Variants in ZNF423 observed in about 807,000 individuals in gnomAD.
ZNF423 encodes the protein zinc finger protein 423.
Under a neutral mutation model 95.8 loss-of-function variants are expected in ZNF423, and 12 were observed. That is an observed-to-expected ratio of 0.13 (90% CI 0.08 to 0.20). The LOEUF (loss-of-function observed/expected upper bound fraction) is 0.20. ZNF423 is among the 10% of genes least tolerant of loss of function. ZNF423 has a pLI of 1.00. For missense variants in ZNF423, 1,316 were observed against 1,737.1 expected, an observed-to-expected ratio of 0.76 and a Z score of 4.31; for synonymous variants, 749 against 711.9, an observed-to-expected ratio of 1.05 and a Z score of -0.83.
intron 2 of ZNF423, among the ~76,000 whole-genome samples, chr16:49,767,128 A>T (rs971113282): frequency 1.3e-5 from 2 of 151,508 alleles, no homozygotes; most frequent in African/African-American, 4.9e-5. Flanking sequence ...TAATTTTTTT[A>T]TTTTTTTTGT....
intron 5 of ZNF423, among the ~76,000 whole-genome samples, chr16:49,617,099 G>A (rs1455171454): frequency 6.6e-6 from 1 of 152,128 alleles, no homozygotes; most frequent in East Asian, 1.9e-4. Context: ...CTGCTGGGGG[G>A]CAGACACCCA....
chr16:49,829,570 G>A (rs771225082), intron 1 of ZNF423, among the ~76,000 whole-genome samples: 17 of 152,172 alleles, frequency 1.1e-4, no homozygotes, highest in Admixed American at 3.9e-4. Context: ...TGGCTTCAGC[G>A]GGCACCTACC....
chr16:49,546,619 G>A (rs1234212801), intron 5 of ZNF423, among the ~76,000 whole-genome samples: 3 of 152,184 alleles, frequency 2.0e-5, no homozygotes. Context: ...TCAGAAGGAG[G>A]CACTCATAGT....
intron 5 of ZNF423, among the ~76,000 whole-genome samples, chr16:49,572,314 G>A (rs971179788): frequency 2.0e-5 from 3 of 152,198 alleles, no homozygotes; most frequent in Non-Finnish European, 4.4e-5. Flanking sequence ...AGGAGGGAGA[G>A]GCATTGGAGC....
intron 3 of ZNF423, among the ~76,000 whole-genome samples, chr16:49,663,289 G>A (rs1405314483): frequency 4.6e-5 from 7 of 152,076 alleles, no homozygotes; most frequent in South Asian, 2.1e-4. Context: ...TTGCCATCTC[G>A]GTAGCCTGGT....
chr16:49,724,391 G>T (rs1391678922), intron 3 of ZNF423, among the ~76,000 whole-genome samples: 1 of 152,190 alleles, frequency 6.6e-6, no homozygotes, highest in East Asian at 1.9e-4. Flanking sequence ...GCCATGTGAA[G>T]TCAACTGACA....
intron 5 of ZNF423, among the ~76,000 whole-genome samples, chr16:49,538,228 T>G (rs1230042124): frequency 1.3e-5 from 2 of 152,074 alleles, no homozygotes; most frequent in African/African-American, 2.4e-5. Flanking sequence ...AGCCTCCAAC[T>G]CTCCAGCGAG....
chr16:49,628,443 C>T (rs1480475744), intron 4 of ZNF423, among the ~76,000 whole-genome samples: 2 of 152,072 alleles, frequency 1.3e-5, no homozygotes, highest in Non-Finnish European at 2.9e-5. Flanking sequence ...CCCATCCATC[C>T]ATCTATTCAC....
At chr16:49,585,645 C>T (rs978062984) in intron 5 of ZNF423, among the ~76,000 whole-genome samples, 5 of 152,190 alleles carry the variant, frequency 3.3e-5, no homozygotes, top group South Asian at 2.1e-4. Flanking sequence ...CACAAATTAC[C>T]GGCAATTAGC....
At chr16:49,581,851 G>A (rs771480202) in intron 5 of ZNF423, among the ~76,000 whole-genome samples, 1 of 152,166 alleles carries the variant, frequency 6.6e-6, no homozygotes, top group Non-Finnish European at 1.5e-5. Context: ...CAGGCACTCA[G>A]CTTAAAAAAC....
At chr16:49,717,314 A>G (rs1356492592) in intron 3 of ZNF423, among the ~76,000 whole-genome samples, 1 of 151,952 alleles carries the variant, frequency 6.6e-6, no homozygotes, top group Non-Finnish European at 1.5e-5. Flanking sequence ...ACAGGCCCCC[A>G]TGGAACTGGT....
In ZNF423 at chr16:49,638,418, T is replaced by C. The variant is rs763978421; in HGVS notation, c.758A>G (p.Lys253Arg). Residue 253 changes from lysine (K) to arginine (R), a missense_variant, in exon 4 of 8, where the codon AAA (lysine) becomes AGA (arginine). Lys to Arg is a conservative substitution (Grantham distance 26). Coordinates refer to ENST00000563137, the MANE Select transcript of ZNF423 (RefSeq NM_001379286.1). This position sits in a 1 kb window ranked among gnomAD's most constrained non-coding sequence, Gnocchi z 5.6. ...SSLQSHMQAH[K>R]KNKEHLAKSE... ...CTTGGCCAGATGCTCCTTGTTCTTT[T>C]TGTGGGCCTGCATGTGGCTCTGCAG... 5 of 1,613,830 alleles carry C rather than the reference T, an allele frequency of 3.1e-6. No individual in the cohort carries two copies. Among genetic ancestry groups the C allele is most frequent in the South Asian group, 1.1e-5 (1 of 91,082 alleles).
Position 49,492,733 on chromosome 16 carries a change from T to C in ZNF423, c.3850-1429A>G, listed in dbSNP as rs1967021296. 6.6e-6 allele frequency among the ~76,000 whole-genome samples: 1 copy of C among 152,194 alleles called. No individual in the cohort carries two copies. The highest frequency in any genetic ancestry group is 2.1e-4 in the South Asian group (1 of 4,834). On this transcript the variant is annotated intron_variant, in intron 7 of 7. Coordinates refer to ENST00000563137, the MANE Select transcript of ZNF423 (RefSeq NM_001379286.1). The surrounding 1 kb of genome is among the most constrained non-coding windows in gnomAD (Gnocchi z 4.2). The stretch of plus-strand genomic sequence containing the variant: ...GCCGGGGCTTGGTGGGCATGCGTGC[T>C]CTGTGCCGTGGCAGGCACCGCTCTT...
chr16:49,620,628 C>G (rs1325332245), intron 5 of ZNF423, among the ~76,000 whole-genome samples: 1 of 152,208 alleles, frequency 6.6e-6, no homozygotes, highest in African/African-American at 2.4e-5. Flanking sequence ...TGAGGACCAT[C>G]CCTTCCCAGC....
chr16:49,505,150 A>G (rs1055369868), intron 7 of ZNF423, among the ~76,000 whole-genome samples: 11 of 152,242 alleles, frequency 7.2e-5, no homozygotes, highest in African/African-American at 2.7e-4. Context: ...GAGAAAACCA[A>G]GATCCACATA....
chr16:49,855,316 C>T lies in ZNF423; in HGVS notation c.40+419G>A, dbSNP rs996927034. On this transcript the variant is annotated intron_variant, in intron 1 of 7. Transcript: ENST00000563137. The surrounding 1 kb of genome is among the most constrained non-coding windows in gnomAD (Gnocchi z 4.7). ...CGCCCGTCCTCGCCGCCTCTTCCTT[C>T]CTCCTGTCGCCCGCCCGCCGCCGCC... is the stretch of plus-strand genomic sequence containing the variant. Among the ~76,000 whole-genome samples, 13 of 151,742 alleles carry T rather than the reference C, an allele frequency of 8.6e-5. No homozygotes were observed. In the East Asian group the frequency reaches 9.8e-4, roughly 11 times the overall value.
At chr16:49,543,634 C>T (rs535789376) in intron 5 of ZNF423, among the ~76,000 whole-genome samples, 4 of 152,156 alleles carry the variant, frequency 2.6e-5, no homozygotes, top group Admixed American at 1.3e-4. Context: ...AGGAATGGGG[C>T]GCCTGGCGGG....
In ZNF423 at chr16:49,717,686, A is replaced by G. The variant is rs114209728; in HGVS notation, c.301+13085T>C. The stretch of plus-strand genomic sequence containing the variant: ...ATGAGCCAATACATTGCACTGTTTG[A>G]TTTCAGCTGGTTAGGATTTGGTTGT... On this transcript the variant is annotated intron_variant, in intron 3 of 7. Transcript: ENST00000563137. Among the ~76,000 whole-genome samples, 1,002 of 152,264 alleles carry G rather than the reference A, an allele frequency of 6.6e-3. 15 individuals carry two copies. Among genetic ancestry groups the G allele is most frequent in the African/African-American group, 0.023 (959 of 41,540 alleles).
chr16:49,636,003 G>A lies in ZNF423; in HGVS notation c.3173C>T (p.Ser1058Leu), dbSNP rs1972684429. 1.9e-6 allele frequency: 3 copies of A among 1,606,246 alleles called. No homozygotes were observed. Among genetic ancestry groups the A allele is most frequent in the Non-Finnish European group, 2.6e-6 (3 of 1,174,724 alleles). The change falls in exon 4 of 8, where the codon TCA (serine) becomes TTA (leucine). Residue 1058 changes from serine (S) to leucine (L), a missense_variant. By Grantham distance (145) the Ser-to-Leu change is moderately radical. Around this residue, in one of 6 missense-constraint regions of ZNF423, gnomAD observed 620 missense variants for 775.6 expected, o/e 0.80. Coordinates refer to ENST00000563137, the MANE Select transcript of ZNF423 (RefSeq NM_001379286.1). This position sits in a 1 kb window ranked among gnomAD's most constrained non-coding sequence, Gnocchi z 8.6. ...CTGGCCATTGGGGGAGGACGCCGCT[G>A]AGCTGCCCGCCAGCTTCTGCATGTG... Reference protein sequence around the residue: ...TFHMQKLAGSSAASSPNGQGL... With the variant: ...TFHMQKLAGSLAASSPNGQGL...
Sources: allele counts gnomAD v4.1 joint callset (sites outside exome capture counted in the v4.1 genomes callset), GRCh38; gene constraint gnomAD v4.1.1; regional missense constraint gnomAD v4.1.1; non-coding constraint Gnocchi (gnomAD v3.1); transcripts MANE v1.5; gene names NCBI Gene and HGNC (gene_info 2026-07-23, HGNC 2026-07-21).